PDE1C: variants seen among roughly 807,000 people sequenced by gnomAD.
The protein encoded by PDE1C is phosphodiesterase 1C.
Under a neutral mutation model 93.1 loss-of-function variants are expected in PDE1C, and 62 were observed. The ratio of observed to expected loss-of-function variants is 0.67; its 90% CI spans 0.54 to 0.82. The LOEUF is 0.82. Among genes scored for constraint, PDE1C ranks in the 40% least tolerant of loss-of-function variants. The probability of loss-of-function intolerance (pLI) is 0.00; values close to 1 mark genes in which losing one functional copy is unlikely to be tolerated. For missense variants in PDE1C, 742 were observed against 884.6 expected (o/e 0.84, Z 2.04); for synonymous variants, 325 against 310.1 (o/e 1.05, Z -0.50).
chr7:31,831,546 C>G (rs552055663), intron 11 of PDE1C, among the ~76,000 whole-genome samples: 1 of 151,758 alleles, frequency 6.6e-6, no homozygotes, highest in Non-Finnish European at 1.5e-5. Context: ...TCATAGGACC[C>G]TAATAATAAA....
At chr7:32,040,680 C>T (rs1344229480) in intron 2 of PDE1C, among the ~76,000 whole-genome samples, 2 of 152,140 alleles carry the variant, frequency 1.3e-5, no homozygotes, top group Admixed American at 6.5e-5. Flanking sequence ...CATAAATTTT[C>T]CTCAAAATAG....
chr7:32,304,551 T>C (rs1050726844), intron 1 of PDE1C, among the ~76,000 whole-genome samples: 2 of 152,106 alleles, frequency 1.3e-5, no homozygotes, highest in Non-Finnish European at 2.9e-5. Flanking sequence ...TTAATAACTT[T>C]TAAAATTAAT....
At chr7:32,071,142 C>A (rs1205576489), upstream of PDE1C, 2 of 985,420 alleles carry the variant, frequency 2.0e-6, no homozygotes, top group Non-Finnish European at 2.4e-6. Flanking sequence ...GGCACACTCA[C>A]CCCCGCAGGG....
At chr7:31,957,659 A>G (rs1372217868) in intron 2 of PDE1C, among the ~76,000 whole-genome samples, 2 of 152,202 alleles carry the variant, frequency 1.3e-5, no homozygotes, top group African/African-American at 4.8e-5. Flanking sequence ...GGGCCATATT[A>G]GCACAGTTTT....
At chr7:32,208,895 C>A (rs1436932103) in intron 2 of PDE1C, among the ~76,000 whole-genome samples, 1 of 152,154 alleles carries the variant, frequency 6.6e-6, no homozygotes, top group African/African-American at 2.4e-5. Context: ...CTAGGAATAT[C>A]CCCAATGCCT....
At chr7:31,790,023 C>T (rs1206920393) in intron 16 of PDE1C, 1 of 1,333,938 alleles carries the variant, frequency 7.5e-7, no homozygotes, top group Non-Finnish European at 9.6e-7. Context: ...GGAATATCCC[C>T]CAGAGTTCTA....
intron 2 of PDE1C, among the ~76,000 whole-genome samples, chr7:31,893,221 A>C (rs10258328): frequency 0.26 from 39,917 of 152,090 alleles, 6,480 homozygotes; most frequent in African/African-American, 0.44. Context: ...CATTTCCAAT[A>C]AGTAGGAAAA....
chr7:31,898,060 GTT>G (rs1435865361), intron 2 of PDE1C, among the ~76,000 whole-genome samples: 2 of 137,842 alleles, frequency 1.5e-5, no homozygotes, highest in Non-Finnish European at 3.2e-5. Flanking sequence ...GTGTGTGTGT[GTT>G]TACTATACTG....
the PDE1C span, among the ~76,000 whole-genome samples, chr7:31,718,940 T>C: frequency 2.0e-5 from 3 of 152,038 alleles, no homozygotes; most frequent in African/African-American, 7.2e-5. Flanking sequence ...GGAACCAGGA[T>C]CTTAATACCA....
chr7:32,071,143 C>T, upstream of PDE1C: 1 of 985,392 alleles, frequency 1.0e-6, no homozygotes, highest in Non-Finnish European at 1.2e-6. Flanking sequence ...GCACACTCAC[C>T]CCCGCAGGGC....
intron 1 of PDE1C, among the ~76,000 whole-genome samples, chr7:32,319,891 G>C (rs1195011957): frequency 6.6e-6 from 1 of 152,154 alleles, no homozygotes; most frequent in African/African-American, 2.4e-5. Flanking sequence ...GTTTTGTATA[G>C]TTTTTATGCC....
upstream of PDE1C, among the ~76,000 whole-genome samples, chr7:32,072,414 A>T (rs1225312555): frequency 6.6e-6 from 1 of 152,224 alleles, no homozygotes; most frequent in Non-Finnish European, 1.5e-5. Flanking sequence ...CATGGAGTTC[A>T]TCTATCTGAA....
chr7:31,742,264 C>G, the PDE1C span, among the ~76,000 whole-genome samples: 1 of 152,242 alleles, frequency 6.6e-6, no homozygotes, highest in African/African-American at 2.4e-5. Context: ...TCTTCCGGCA[C>G]TAACCAGTTT....
chr7:32,087,027 T>G (rs1797131682), intron 3 of PDE1C, among the ~76,000 whole-genome samples: 2 of 151,876 alleles, frequency 1.3e-5, no homozygotes, highest in African/African-American at 4.8e-5. Flanking sequence ...ACTAAAGAGC[T>G]TCTGCACAGC....
chr7:31,775,720 C>T lies in PDE1C; in HGVS notation c.1904G>A (p.Arg635His), dbSNP rs192039751. ...DSKKTDGTKQ[R>H]SHGSPAPSTS... ...GCTTGGGGCTGGTGAGCCGTGAGAA[C>T]GCTGTTTTGTGCCTGTGAAGAGGAA... Residue 635 changes from arginine (R) to histidine (H), a missense_variant, in exon 17 of 18, where the codon CGT (arginine) becomes CAT (histidine). Around this residue, in one of 4 missense-constraint regions of PDE1C, gnomAD observed 454 missense variants for 459.4 expected, o/e 0.99. Coordinates refer to ENST00000396191, the MANE Select transcript of PDE1C (RefSeq NM_001191057.4). 481 of 1,612,730 alleles carry T rather than the reference C, an allele frequency of 3.0e-4. 3 individuals carry two copies. The African/African-American group carries it at 5.5e-3, about 18-fold the overall frequency.
intron 2 of PDE1C, among the ~76,000 whole-genome samples, chr7:31,998,382 T>A (rs1027763978): frequency 6.6e-6 from 1 of 152,198 alleles, no homozygotes; most frequent in Admixed American, 6.5e-5. Context: ...CATTATTGGA[T>A]GCATTAGTAA....
chr7:32,000,744 C>T (rs971407559), intron 2 of PDE1C, among the ~76,000 whole-genome samples: 4 of 152,140 alleles, frequency 2.6e-5, no homozygotes, highest in Non-Finnish European at 5.9e-5. Context: ...CATTCTCTGC[C>T]GGGGATGTCT....
At chr7:32,054,221 C>T (rs543248349) in intron 1 of PDE1C, among the ~76,000 whole-genome samples, 110 of 152,246 alleles carry the variant, frequency 7.2e-4, no homozygotes, top group African/African-American at 2.5e-3. Context: ...CACCGTTCTC[C>T]GTGGCATTGC....
At chr7:31,906,937 C>T (rs971762043) in intron 2 of PDE1C, among the ~76,000 whole-genome samples, 1 of 152,076 alleles carries the variant, frequency 6.6e-6, no homozygotes, top group Non-Finnish European at 1.5e-5. Flanking sequence ...TGCACGAATG[C>T]ACGTGTGTAT....
Sources: allele counts gnomAD v4.1 joint callset (sites outside exome capture counted in the v4.1 genomes callset), GRCh38; gene constraint gnomAD v4.1.1; regional missense constraint gnomAD v4.1.1; transcripts MANE v1.5; gene names NCBI Gene and HGNC (gene_info 2026-07-23, HGNC 2026-07-21).